DOCK1: variants seen among roughly 807,000 people sequenced by gnomAD.
DOCK1 encodes the protein dedicator of cytokinesis 1.
Under a neutral mutation model 262.7 loss-of-function variants are expected in DOCK1, and 138 were observed. That is an observed-to-expected ratio of 0.53 (90% CI 0.46 to 0.61). DOCK1 has a LOEUF of 0.61. Among genes scored for constraint, DOCK1 ranks in the 20% least tolerant of loss-of-function variants. DOCK1 has a pLI of 0.00. For missense variants in DOCK1, 1,908 were observed against 2,370.7 expected, an observed-to-expected ratio of 0.80 and a Z score of 4.05; for synonymous variants, 866 against 867.4, an observed-to-expected ratio of 1.00 and a Z score of 0.03.
chr10:127,435,549 G>A (rs1217109708), intron 48 of DOCK1, among the ~76,000 whole-genome samples: 1 of 152,136 alleles, frequency 6.6e-6, no homozygotes, highest in Non-Finnish European at 1.5e-5. Context: ...CTTACAGCAA[G>A]ATTGCTAAAG....
intron 29 of DOCK1, among the ~76,000 whole-genome samples, chr10:127,283,838 T>C (rs973333882): frequency 6.6e-6 from 1 of 152,234 alleles, no homozygotes; most frequent in Non-Finnish European, 1.5e-5. Context: ...AACATTGTAG[T>C]GAGTGTCTTC....
At chr10:127,418,281 C>A in intron 44 of DOCK1, 84 bp from the exon 45 acceptor site, 1 of 1,400,980 alleles carries the variant, frequency 7.1e-7, no homozygotes. Flanking sequence ...GGAAGCCTGC[C>A]CCAGAGCACG....
chr10:126,984,918 A>G (rs2039256144), intron 4 of DOCK1, among the ~76,000 whole-genome samples: 1 of 151,348 alleles, frequency 6.6e-6, no homozygotes. Context: ...CCTTCTGTCT[A>G]ACAGAAACTC....
chr10:127,097,950 G>A (rs545809498), intron 23 of DOCK1, among the ~76,000 whole-genome samples: 5 of 152,274 alleles, frequency 3.3e-5, no homozygotes, highest in Admixed American at 2.6e-4. Flanking sequence ...GAGCATAAGT[G>A]GGCCTCACTC....
At chr10:127,155,885 G>A (rs528256005) in intron 27 of DOCK1, among the ~76,000 whole-genome samples, 52 of 152,286 alleles carry the variant, frequency 3.4e-4, no homozygotes, top group African/African-American at 1.2e-3. Flanking sequence ...CACGGTCCAC[G>A]CTGAATGTGT....
At chr10:127,036,981 G>GGAAAAAAA in intron 18 of DOCK1, among the ~76,000 whole-genome samples, 1 of 128,018 alleles carries the variant, frequency 7.8e-6, no homozygotes, top group South Asian at 2.5e-4. Context: ...CCATCTCAAG[G>GGAAAAAAA]AAAAAAAAAA....
chr10:127,138,338 G>T (rs1163312625), intron 27 of DOCK1, among the ~76,000 whole-genome samples: 1 of 152,156 alleles, frequency 6.6e-6, no homozygotes, highest in East Asian at 1.9e-4. Context: ...TCCACAGTCT[G>T]TTCACATGGG....
chr10:127,445,790 G>A (rs771685843), intron 50 of DOCK1, among the ~76,000 whole-genome samples: 40 of 152,150 alleles, frequency 2.6e-4, no homozygotes, highest in Non-Finnish European at 3.8e-4. Context: ...CAAAATGTAC[G>A]TCCAAAGAAA....
At chr10:127,262,380 A>C (rs933516111) in intron 29 of DOCK1, among the ~76,000 whole-genome samples, 1 of 152,156 alleles carries the variant, frequency 6.6e-6, no homozygotes, top group Non-Finnish European at 1.5e-5. Flanking sequence ...TTCCTATCCC[A>C]GTTGACACAT....
chr10:127,117,108 A>T (rs2049232305), intron 25 of DOCK1, among the ~76,000 whole-genome samples: 1 of 152,216 alleles, frequency 6.6e-6, no homozygotes, highest in Non-Finnish European at 1.5e-5. Context: ...TGAATGTAGG[A>T]GGGTGAACTC....
At chr10:127,245,594 C>T (rs2059406480) in intron 27 of DOCK1, among the ~76,000 whole-genome samples, 1 of 152,194 alleles carries the variant, frequency 6.6e-6, no homozygotes, top group South Asian at 2.1e-4. Context: ...TTCTGTGTTA[C>T]AACGGTTTTG....
chr10:127,174,898 A>T (rs1340563515), intron 27 of DOCK1, among the ~76,000 whole-genome samples: 1 of 152,142 alleles, frequency 6.6e-6, no homozygotes, highest in Non-Finnish European at 1.5e-5. Context: ...GTTGTTATAC[A>T]TTATCAATAT....
chr10:127,067,955 A>C (rs1355273683), intron 23 of DOCK1, among the ~76,000 whole-genome samples: 2 of 151,948 alleles, frequency 1.3e-5, no homozygotes, highest in Non-Finnish European at 2.9e-5. Flanking sequence ...ACAGATGCAG[A>C]AGGTTTGTCT....
intron 29 of DOCK1, among the ~76,000 whole-genome samples, chr10:127,314,352 T>C (rs1449759271): frequency 6.6e-6 from 1 of 152,232 alleles, no homozygotes; most frequent in Non-Finnish European, 1.5e-5. Flanking sequence ...AAGGACTACC[T>C]GGAGACCAGT....
intron 25 of DOCK1, among the ~76,000 whole-genome samples, chr10:127,113,667 G>T (rs2049002369): frequency 6.6e-6 from 1 of 152,162 alleles, no homozygotes; most frequent in Non-Finnish European, 1.5e-5. Context: ...GGTGCATCCT[G>T]AGTTTGTTGG....
chr10:127,381,320 C>G lies in DOCK1; in HGVS notation c.3759C>G (p.Asn1253Lys). Residue 1253 changes from asparagine (N) to lysine (K), a missense_variant, in exon 37 of 52, where the codon AAC (asparagine) becomes AAG (lysine). Around this residue, in one of 9 missense-constraint regions of DOCK1, gnomAD observed 267 missense variants for 366.3 expected, o/e 0.73. Transcript: ENST00000623213. ...KLCDLHKECD[N>K]YTEAAYTLLL... ...GTGACCTGCACAAGGAGTGTGATAACTACACCGAAGCGGCTTACACCTTGC... is the reference window on the plus strand; with the variant it reads ...GTGACCTGCACAAGGAGTGTGATAAGTACACCGAAGCGGCTTACACCTTGC... 6.2e-7 allele frequency: 1 copy of G among 1,613,196 alleles called. No individual in the cohort carries two copies. Among genetic ancestry groups the G allele is most frequent in the Non-Finnish European group, 8.5e-7 (1 of 1,179,384 alleles).
At chr10:127,087,951 CTCAAT>C (rs1052759559) in intron 23 of DOCK1, among the ~76,000 whole-genome samples, 5 of 152,324 alleles carry the variant, frequency 3.3e-5, no homozygotes, top group Non-Finnish European at 5.9e-5. Flanking sequence ...TGATGATCGT[CTCAAT>C]TCATTTTCCA....
At position 126,990,477 on chromosome 10, in the gene DOCK1, G is replaced by T; in HGVS notation, c.347G>T (p.Arg116Leu). Residue 116 changes from arginine to leucine, a missense_variant, in exon 6 of 52, where the codon CGA becomes CTA. By Grantham distance (102) the Arg-to-Leu change is moderately radical. Coordinates refer to ENST00000623213, the MANE Select transcript of DOCK1 (RefSeq NM_001290223.2). ...LYVQDNREMF[R>L]SVRHMIYDLI... ...TAGCAAGATAACAGGGAGATGTTTC[G>T]AAGTGTGCGGCACATGATCTATGAC... The T allele has an allele frequency of 6.2e-7, 1 of 1,611,118 alleles. No homozygotes were observed. Among genetic ancestry groups the T allele is most frequent in the Non-Finnish European group, 8.5e-7 (1 of 1,178,640 alleles).
chr10:127,361,342 C>CTGACCTCG (rs1186302061), intron 32 of DOCK1, among the ~76,000 whole-genome samples: 1 of 152,068 alleles, frequency 6.6e-6, no homozygotes, highest in Non-Finnish European at 1.5e-5. Flanking sequence ...TCTCGATCTC[C>CTGACCTCG]TGACCTCGTG....
Sources: allele counts gnomAD v4.1 joint callset (sites outside exome capture counted in the v4.1 genomes callset), GRCh38; gene constraint gnomAD v4.1.1; regional missense constraint gnomAD v4.1.1; transcripts MANE v1.5; gene names NCBI Gene and HGNC (gene_info 2026-07-23, HGNC 2026-07-21).